The following GLS variants were observed in gnomAD, a reference collection of about 807,000 sequenced individuals.
The protein encoded by GLS is glutaminase kidney isoform, mitochondrial.
Under a neutral mutation model 86.7 loss-of-function variants are expected in GLS, and 36 were observed. The ratio of observed to expected loss-of-function variants is 0.42; its 90% CI spans 0.32 to 0.55. The LOEUF (loss-of-function observed/expected upper bound fraction) is 0.55. GLS is among the 20% of genes least tolerant of loss of function. The pLI, the probability that GLS is intolerant of heterozygous loss-of-function variation, is 0.17. For missense variants in GLS, 528 were observed against 833.4 expected (o/e 0.63, Z 4.51); for synonymous variants, 317 against 305.9 (o/e 1.04, Z -0.38).
intron 17 of GLS, among the ~76,000 whole-genome samples, chr2:190,959,646 T>C (rs536456574): frequency 4.6e-5 from 7 of 152,264 alleles, no homozygotes; most frequent in African/African-American, 1.7e-4. Flanking sequence ...ACACTGAATG[T>C]TCTCTCTTAG....
At chr2:190,926,502 A>G (rs1397188700) in intron 11 of GLS, among the ~76,000 whole-genome samples, 1 of 152,156 alleles carries the variant, frequency 6.6e-6, no homozygotes, top group Non-Finnish European at 1.5e-5. Flanking sequence ...TTCTTCTCCT[A>G]TCCACTTTAT....
At chr2:190,902,544 A>G (rs879732779) in intron 5 of GLS, among the ~76,000 whole-genome samples, 8 of 152,210 alleles carry the variant, frequency 5.3e-5, no homozygotes, top group Admixed American at 5.2e-4. Context: ...CTTACATTGC[A>G]GGCACAGCTG....
intron 7 of GLS, among the ~76,000 whole-genome samples, chr2:190,916,960 T>C (rs747827530): frequency 1.3e-5 from 2 of 152,216 alleles, no homozygotes; most frequent in African/African-American, 2.4e-5. Context: ...GAAGGTCTTG[T>C]CTTGATGTTG....
chr2:190,913,343 A>C lies in GLS; in HGVS notation c.1038+3022A>C, dbSNP rs1689421986. 3 of 1,173,088 alleles carry C rather than the reference A, an allele frequency of 2.6e-6. No individual in the cohort carries two copies. The highest frequency in any genetic ancestry group is 3.3e-5 in the South Asian group (2 of 61,412). The allele number at this position is 1,173,088 out of a possible 1,614,324, so 72.7% of individuals were successfully genotyped here. ...CTTATAGGAAAACTCCAATATTTAA[A>C]ATTTTAAACAAAGCTATATAGGTAA... On this transcript the variant is annotated intron_variant, in intron 7 of 17. Transcript: ENST00000320717. This position sits in a 1 kb window ranked among gnomAD's most constrained non-coding sequence, Gnocchi z 6.1.
chr2:190,927,082 G>C (rs892541115), intron 11 of GLS: 2 of 436,906 alleles, frequency 4.6e-6, no homozygotes, highest in Admixed American at 8.0e-5. Flanking sequence ...GTCTAGTTCT[G>C]CCATTAAAAG....
At chr2:190,950,284 C>T (rs966762438) in intron 14 of GLS, among the ~76,000 whole-genome samples, 4 of 152,044 alleles carry the variant, frequency 2.6e-5, no homozygotes, top group African/African-American at 9.7e-5. Flanking sequence ...TCCTGAAAGC[C>T]ATGGTAAAGA....
Position 190,958,898 on chromosome 2 carries a change from G to T in GLS, c.1854-3932G>T, listed in dbSNP as rs570461151. Among the ~76,000 whole-genome samples, 12 of 152,258 alleles carry T rather than the reference G, an allele frequency of 7.9e-5. No homozygotes were observed. In the South Asian group the frequency reaches 1.7e-3, roughly 21 times the overall value. On this transcript the variant is annotated intron_variant, in intron 17 of 17. Coordinates refer to ENST00000320717, the MANE Select transcript of GLS (RefSeq NM_014905.5). ...TGCTGAGAAAAATGTATATTCTATT[G>T]ACTTGGGGTGGAGAGTTCTGTAGAT... is the stretch of plus-strand genomic sequence containing the variant.
rs1491436243 is a variant in GLS, at chr2:190,964,982, T to TTTG, written c.*2002_*2004dup. On this transcript the variant is annotated 3_prime_UTR_variant, in exon 18 of 18. Transcript: ENST00000320717. The surrounding 1 kb of genome is among the most constrained non-coding windows in gnomAD (Gnocchi z 5.2). ...CAGATCAAAACCATTCTGTAAAATC[T>TTTG]TTGTTGTTTAATTAAATGTGCCGTT... is the stretch of plus-strand genomic sequence containing the variant. The TTTG allele has an allele frequency of 6.6e-6, 1 of 152,154 alleles. No homozygotes were observed. The highest frequency in any genetic ancestry group is 1.5e-5 in the Non-Finnish European group (1 of 68,018). 9.4% of individuals were successfully genotyped at this position (152,154 alleles called of 1,614,324 possible).
At chr2:190,916,083 A>G (rs1487587495) in intron 7 of GLS, among the ~76,000 whole-genome samples, 3 of 152,218 alleles carry the variant, frequency 2.0e-5, no homozygotes, top group East Asian at 3.9e-4. Flanking sequence ...TCGGAAGAGA[A>G]TTAGTCCTGA....
At chr2:190,887,177 G>T (rs1200168426) in intron 1 of GLS, among the ~76,000 whole-genome samples, 1 of 152,136 alleles carries the variant, frequency 6.6e-6, no homozygotes, top group Non-Finnish European at 1.5e-5. Context: ...TATAAAAATA[G>T]TTATTAATTA....
At chr2:190,904,872 G>A in intron 5 of GLS, 132 bp from the exon 6 acceptor site, 2 of 639,008 alleles carry the variant, frequency 3.1e-6, no homozygotes, top group South Asian at 1.8e-5. Flanking sequence ...CTGTAATTTT[G>A]ACATAAACTT....
intron 6 of GLS, among the ~76,000 whole-genome samples, chr2:190,908,415 T>C (rs1251132567): frequency 2.6e-5 from 4 of 152,238 alleles, no homozygotes; most frequent in African/African-American, 9.6e-5. Context: ...GTGTATTTTA[T>C]TGCCTTTGGG....
Position 190,913,382 on chromosome 2 carries a change from A to G in GLS, c.1038+3061A>G. ...CTATATAGGTAAATACCTTTTTAAAAACAAATGTAATTTTATACTTAAAAT... is the reference window on the plus strand; with the variant it reads ...CTATATAGGTAAATACCTTTTTAAAGACAAATGTAATTTTATACTTAAAAT... On this transcript the variant is annotated intron_variant, in intron 7 of 17. Coordinates refer to ENST00000320717, the MANE Select transcript of GLS (RefSeq NM_014905.5). The surrounding 1 kb of genome is among the most constrained non-coding windows in gnomAD (Gnocchi z 6.1). 1.0e-6 allele frequency: 1 copy of G among 988,364 alleles called. No homozygotes were observed. Among genetic ancestry groups the G allele is most frequent in the Non-Finnish European group, 1.3e-6 (1 of 781,222 alleles). 61.2% of individuals were successfully genotyped at this position (988,364 alleles called of 1,614,324 possible).
In GLS at chr2:190,902,018, T is replaced by C. The variant is rs1224028540; in HGVS notation, c.807T>C (p.Asp269=). The change falls in exon 5 of 18, where the codon GAT becomes GAC. Residue 269 remains aspartate, a synonymous_variant. Transcript: ENST00000320717. The stretch of plus-strand genomic sequence containing the variant: ...GGGGTGTGTCTGTTTGTACAGTAGA[T>C]GGACAGAGGTAAGTTTATTTCAAAT... The part of the protein sequence containing the change: ...DLWGVSVCTV[D]GQRHSTGDTK... 1 of 1,600,700 alleles carries C rather than the reference T, an allele frequency of 6.2e-7. No individual in the cohort carries two copies. Among genetic ancestry groups the C allele is most frequent in the Non-Finnish European group, 8.6e-7 (1 of 1,168,054 alleles).
At chr2:190,899,862 C>CT (rs202039489) in intron 3 of GLS, among the ~76,000 whole-genome samples, 1,655 of 152,076 alleles carry the variant, frequency 0.011, 40 homozygotes, top group African/African-American at 0.037. Flanking sequence ...TTTTAAAATA[C>CT]TTTTTTAACA....
rs1690598530 is a variant in GLS at position 190,947,236 on chromosome 2, A to G, written c.1651-6329A>G. The stretch of plus-strand genomic sequence containing the variant: ...TAAAGACTTAGGAATGCCATGTTTT[A>G]GATGTGTAAAACTGATACACTCCCC... On this transcript the variant is annotated intron_variant, in intron 14 of 17. Coordinates refer to ENST00000320717, the MANE Select transcript of GLS (RefSeq NM_014905.5). The surrounding 1 kb of genome is among the most constrained non-coding windows in gnomAD (Gnocchi z 5.0). Among the ~76,000 whole-genome samples the G allele has an allele frequency of 6.6e-6, 1 of 152,216 alleles. No homozygotes were observed. Among genetic ancestry groups the G allele is most frequent in the African/African-American group, 2.4e-5 (1 of 41,474 alleles).
chr2:190,899,405 A>G (rs1237172658), intron 3 of GLS, among the ~76,000 whole-genome samples: 1 of 152,080 alleles, frequency 6.6e-6, no homozygotes, highest in Non-Finnish European at 1.5e-5. Context: ...TGTTAATTTT[A>G]TATTGAACAA....
intron 1 of GLS, among the ~76,000 whole-genome samples, chr2:190,882,646 T>A (rs1688241834): frequency 6.6e-6 from 1 of 152,150 alleles, no homozygotes; most frequent in Non-Finnish European, 1.5e-5. Flanking sequence ...GTTGGGACCT[T>A]CCAGAAACTT....
chr2:190,956,845 T>C lies in GLS; in HGVS notation c.1853+2027T>C, dbSNP rs1179059793. ...ATCCCTTGTAAGTTGAATTCCTAGG[T>C]ATTTTATTCTCTTTGTAGCAGTTGT... On this transcript the variant is annotated intron_variant, in intron 17 of 17. Coordinates refer to ENST00000320717, the MANE Select transcript of GLS (RefSeq NM_014905.5). This position sits in a 1 kb window ranked among gnomAD's most constrained non-coding sequence, Gnocchi z 4.2. Among the ~76,000 whole-genome samples the C allele has an allele frequency of 6.6e-6, 1 of 152,190 alleles. No homozygotes were observed. The highest frequency in any genetic ancestry group is 1.5e-5 in the Non-Finnish European group (1 of 68,026).
Sources: gnomAD v4.1 joint callset for allele counts (sites outside exome capture counted in the v4.1 genomes callset) on GRCh38, gnomAD v4.1.1 for gene constraint, Gnocchi (gnomAD v3.1) non-coding constraint, MANE v1.5 for transcripts, NCBI Gene and HGNC (gene_info 2026-07-23, HGNC 2026-07-21) for gene names.